COBL: variants seen among roughly 807,000 people sequenced by gnomAD.
COBL encodes the protein cordon-bleu WH2 repeat protein, also known as protein cordon-bleu.
COBL carries 51 observed loss-of-function variants against 98.8 expected under a neutral mutation model. The observed-to-expected ratio is 0.52, with a 90% CI of 0.41 to 0.65. COBL has a LOEUF of 0.65. COBL is among the 30% of genes least tolerant of loss of function. The pLI, the probability that COBL is intolerant of heterozygous loss-of-function variation, is 0.00. For missense variants in COBL, 1,617 were observed against 1,617.5 expected (o/e 1.00, Z 0.01); for synonymous variants, 634 against 651.7 (o/e 0.97, Z 0.41).
intron 7 of COBL, among the ~76,000 whole-genome samples, chr7:51,080,642 T>G (rs987959153): frequency 6.6e-6 from 1 of 152,216 alleles, no homozygotes; most frequent in African/African-American, 2.4e-5. Context: ...AGCTCCCCTA[T>G]AAACACAGCG....
chr7:51,242,087 G>A (rs901832251), intron 1 of COBL, among the ~76,000 whole-genome samples: 1 of 152,176 alleles, frequency 6.6e-6, no homozygotes, highest in Non-Finnish European at 1.5e-5. Flanking sequence ...CTTCATTTGC[G>A]TAAGAGTATA....
At chr7:51,271,518 G>A (rs560173281) in intron 1 of COBL, among the ~76,000 whole-genome samples, 3 of 152,286 alleles carry the variant, frequency 2.0e-5, no homozygotes, top group East Asian at 1.9e-4. Context: ...GGTAATGGGT[G>A]CACAGAGAAA....
chr7:51,271,103 C>A (rs549194874), intron 1 of COBL, among the ~76,000 whole-genome samples: 7 of 152,332 alleles, frequency 4.6e-5, no homozygotes, highest in Admixed American at 2.6e-4. Context: ...TATCTCCACG[C>A]TGGGGAGTCT....
At chr7:51,238,262 C>T (rs1248078008) in intron 1 of COBL, among the ~76,000 whole-genome samples, 4 of 152,168 alleles carry the variant, frequency 2.6e-5, no homozygotes, top group African/African-American at 9.7e-5. Context: ...ACCTGAGTAC[C>T]TTAGAGAACA....
chr7:51,064,168 G>T (rs1368989156), intron 7 of COBL, among the ~76,000 whole-genome samples: 1 of 152,224 alleles, frequency 6.6e-6, no homozygotes, highest in Non-Finnish European at 1.5e-5. Flanking sequence ...CAATGGGTGT[G>T]TGGCACTCCC....
intron 1 of COBL, among the ~76,000 whole-genome samples, chr7:51,250,765 A>C (rs1435865489): frequency 2.6e-5 from 4 of 152,216 alleles, no homozygotes; most frequent in Non-Finnish European, 5.9e-5. Flanking sequence ...CTTCACACAC[A>C]AAGCTATGGA....
chr7:51,293,810 G>C (rs954193369), intron 1 of COBL, among the ~76,000 whole-genome samples: 1 of 152,198 alleles, frequency 6.6e-6, no homozygotes, highest in East Asian at 1.9e-4. Flanking sequence ...CCCATGCTCA[G>C]TAAGGGGTGC....
chr7:51,155,094 C>G (rs1489005416), intron 5 of COBL, among the ~76,000 whole-genome samples: 1 of 152,174 alleles, frequency 6.6e-6, no homozygotes, highest in Non-Finnish European at 1.5e-5. Context: ...CCAATTAACT[C>G]CAATGTTTTA....
At position 51,028,139 on chromosome 7, in the gene COBL, C is replaced by G. The variant is rs368670111; in HGVS notation, c.2957G>C (p.Arg986Pro). Residue 986 changes from arginine (R) to proline (P), a missense_variant, in exon 10 of 13, where the codon CGT becomes CCT. Transcript: ENST00000265136. ...FSLVQSSQRDRVSVGQSCGFS... is the reference protein window; with the variant it reads ...FSLVQSSQRDPVSVGQSCGFS... Reference sequence around the variant, plus strand: ...ACCACAGCTCTGTCCCACAGAAACACGATCCCTCTGGGAAGACTGAACCAG... The same window carrying G: ...ACCACAGCTCTGTCCCACAGAAACAGGATCCCTCTGGGAAGACTGAACCAG... 3.1e-6 allele frequency: 5 copies of G among 1,614,112 alleles called. No individual in the cohort carries two copies. The highest frequency in any genetic ancestry group is 4.2e-6 in the Non-Finnish European group (5 of 1,180,046).
chr7:51,041,478 C>CTTTTTTTTTT (rs773830122), intron 8 of COBL, among the ~76,000 whole-genome samples: 7 of 80,022 alleles, frequency 8.7e-5, no homozygotes, highest in Non-Finnish European at 1.3e-4. Context: ...TATTTCTTTC[C>CTTTTTTTTTT]TTTTTTTTTT....
At chr7:51,018,682 C>T (rs997163648) in intron 12 of COBL, among the ~76,000 whole-genome samples, 3 of 151,334 alleles carry the variant, frequency 2.0e-5, no homozygotes, top group African/African-American at 4.9e-5. Flanking sequence ...CACCTGAGGT[C>T]GGGAGTTCGA....
intron 6 of COBL, among the ~76,000 whole-genome samples, chr7:51,093,076 C>T (rs1794962552): frequency 1.3e-5 from 2 of 152,090 alleles, no homozygotes. Flanking sequence ...AAACAATGAA[C>T]AGAGTGAAGA....
chr7:51,060,979 C>T (rs117481221), intron 7 of COBL, among the ~76,000 whole-genome samples: 2,310 of 152,146 alleles, frequency 0.015, 30 homozygotes, highest in Non-Finnish European at 0.023. Context: ...GTAAGCCCTG[C>T]GATGAAGGTC....
intron 7 of COBL, chr7:51,064,954 T>A (rs2128915407): frequency 1.7e-6 from 1 of 591,656 alleles, no homozygotes; most frequent in African/African-American, 1.9e-5. Flanking sequence ...TTCAGGCTCA[T>A]TTTCCTCTCT....
chr7:51,150,617 C>G (rs1409767348), intron 5 of COBL, among the ~76,000 whole-genome samples: 2 of 152,150 alleles, frequency 1.3e-5, no homozygotes, highest in African/African-American at 4.8e-5. Flanking sequence ...CAGGAGAAAA[C>G]AGAAACTATA....
chr7:51,287,834 C>CA (rs569487852), intron 1 of COBL, among the ~76,000 whole-genome samples: 341 of 144,250 alleles, frequency 2.4e-3, no homozygotes, highest in African/African-American at 7.8e-3. Context: ...GACTCTGTCT[C>CA]AAAAAAAAAG....
intron 1 of COBL, among the ~76,000 whole-genome samples, chr7:51,229,665 T>C (rs1794548090): frequency 6.6e-6 from 1 of 152,214 alleles, no homozygotes; most frequent in Non-Finnish European, 1.5e-5. Flanking sequence ...AGTACATTCT[T>C]TTCCTAAAGG....
intron 1 of COBL, among the ~76,000 whole-genome samples, chr7:51,245,317 A>C (rs1364578322): frequency 6.6e-6 from 1 of 151,738 alleles, no homozygotes; most frequent in Non-Finnish European, 1.5e-5. Flanking sequence ...CCCAGCCCAT[A>C]CTCTTTCATC....
At chr7:51,027,062 G>C (rs578148778) in intron 10 of COBL, among the ~76,000 whole-genome samples, 34 of 152,340 alleles carry the variant, frequency 2.2e-4, no homozygotes, top group Admixed American at 7.2e-4. Context: ...TTCCAGAGCC[G>C]ATGTGTGTGT....
Sources: allele counts gnomAD v4.1 joint callset (sites outside exome capture counted in the v4.1 genomes callset), GRCh38; gene constraint gnomAD v4.1.1; transcripts MANE v1.5; gene names NCBI Gene and HGNC (gene_info 2026-07-23, HGNC 2026-07-21).